SAAL1: variants seen among roughly 807,000 people sequenced by gnomAD.
SAAL1 encodes the protein serum amyloid A like 1.
SAAL1 carries 42 observed loss-of-function variants against 59.8 expected under a neutral mutation model. The ratio of observed to expected loss-of-function variants is 0.70; its 90% CI spans 0.55 to 0.91. The LOEUF (loss-of-function observed/expected upper bound fraction) is 0.91. Ranked by LOEUF, SAAL1 falls within the 40% of genes least tolerant of loss-of-function variation. The pLI is 0.00. For missense variants in SAAL1, 542 were observed against 561.1 expected (o/e 0.97, Z 0.34); for synonymous variants, 191 against 194.3 (o/e 0.98, Z 0.14).
rs1160826500 is a variant in SAAL1, at chr11:18,103,343, C to T, written c.139G>A (p.Val47Ile). The T allele has an allele frequency of 6.2e-7, 1 of 1,608,856 alleles. No individual in the cohort carries two copies. The highest frequency in any genetic ancestry group is 1.3e-5 in the African/African-American group (1 of 74,774). ...CTAGATTTGGTGTTTTCAGGGCTAACAATCTTCAGAAACACAAAGAAAGAA... is the reference window on the plus strand; with the variant it reads ...CTAGATTTGGTGTTTTCAGGGCTAATAATCTTCAGAAACACAAAGAAAGAA... ...FGVLSGLIQI[V>I]SPENTKSSSD... is the part of the protein sequence containing the mutation. Residue 47 changes from valine to isoleucine, a missense_variant, in exon 2 of 12, where the codon GTT (valine) becomes ATT (isoleucine). Coordinates refer to ENST00000524803, the MANE Select transcript of SAAL1 (RefSeq NM_138421.3).
chr11:18,105,703 T>G (rs1848681339), intron 1 of SAAL1, among the ~76,000 whole-genome samples: 1 of 152,168 alleles, frequency 6.6e-6, no homozygotes. Flanking sequence ...TACTTCCCTT[T>G]GTGTCGAGAG....
chr11:18,087,375 C>T (rs763165499), intron 7 of SAAL1, 150 bp from the exon 8 acceptor site: 14 of 539,174 alleles, frequency 2.6e-5, no homozygotes, highest in Non-Finnish European at 4.0e-5. Context: ...TCTCTGTGTT[C>T]GTTAGAGCTT....
chr11:18,096,824 C>T lies in SAAL1; in HGVS notation c.280G>A (p.Ala94Thr). Residue 94 changes from alanine to threonine, a missense_variant, in exon 3 of 12, where the codon GCT becomes ACT. By Grantham distance (58) the Ala-to-Thr change is moderately conservative. Transcript: ENST00000524803. ...AGTACTCCCATGAATATATCAGGAG[C>T]ATTAAATTCTTGGAGAAATAAAGCC... ...DVALFLQEFN[A>T]PDIFMGVLAK... The T allele has an allele frequency of 6.3e-7, 1 of 1,582,406 alleles. No individual in the cohort carries two copies. Among genetic ancestry groups the T allele is most frequent in the South Asian group, 1.1e-5 (1 of 87,078 alleles).
chr11:18,086,800 A>C (rs1848468286), intron 9 of SAAL1, 66 bp downstream of exon 9: 1 of 1,088,720 alleles, frequency 9.2e-7, no homozygotes, highest in Non-Finnish European at 1.2e-6. Context: ...GGGAAATGAA[A>C]GCATTTTTTA....
chr11:18,097,716 G>A (rs1848591944), intron 2 of SAAL1, among the ~76,000 whole-genome samples: 1 of 152,056 alleles, frequency 6.6e-6, no homozygotes, highest in Admixed American at 6.5e-5. Context: ...GCACATGCCT[G>A]CAGTCCCAGC....
chr11:18,082,701 G>A (rs187200416), intron 10 of SAAL1, among the ~76,000 whole-genome samples: 2 of 152,156 alleles, frequency 1.3e-5, no homozygotes, highest in Admixed American at 1.3e-4. Flanking sequence ...GCACAGTCTG[G>A]GCTCACTGCA....
intron 2 of SAAL1, among the ~76,000 whole-genome samples, chr11:18,100,279 G>A (rs1848621583): frequency 6.6e-6 from 1 of 152,046 alleles, no homozygotes; most frequent in Non-Finnish European, 1.5e-5. Flanking sequence ...AATATTTCAG[G>A]TTTACTTAAA....
At chr11:18,089,201 GA>G (rs1848496833) in intron 7 of SAAL1, 128 bp downstream of exon 7, 12 of 747,872 alleles carry the variant, frequency 1.6e-5, no homozygotes, top group Non-Finnish European at 2.4e-5. Context: ...TAGTAGTAGT[GA>G]ATTAACGTAA....
chr11:18,098,865 C>A (rs961339440), intron 2 of SAAL1, among the ~76,000 whole-genome samples: 1 of 152,204 alleles, frequency 6.6e-6, no homozygotes, highest in Non-Finnish European at 1.5e-5. Context: ...AATATCAACA[C>A]CAACAGTAAT....
rs189427205 is a variant in SAAL1, at chr11:18,102,973, C to T, written c.249+260G>A. 1.8e-4 allele frequency among the ~76,000 whole-genome samples: 27 copies of T among 152,212 alleles called. No homozygotes were observed. In the South Asian group the frequency reaches 2.9e-3, roughly 16 times the overall value. On this transcript the variant is annotated intron_variant, in intron 2 of 11. Coordinates refer to ENST00000524803, the MANE Select transcript of SAAL1 (RefSeq NM_138421.3). Reference sequence around the variant, plus strand: ...AGGTAGGTAAGTATCAGAACTTTCCCGGCCTACATGTGTATAGGAATACAT... The same window carrying T: ...AGGTAGGTAAGTATCAGAACTTTCCTGGCCTACATGTGTATAGGAATACAT...
At position 18,083,608 on chromosome 11, in the gene SAAL1, T is replaced by C; in HGVS notation, c.1166A>G (p.Asp389Gly). 2.5e-6 allele frequency: 4 copies of C among 1,605,334 alleles called. No homozygotes were observed. The highest frequency in any genetic ancestry group is 3.4e-6 in the Non-Finnish European group (4 of 1,172,510). The change falls in exon 10 of 12, where the codon GAT becomes GGT. Residue 389 changes from aspartate to glycine, a missense_variant. Coordinates refer to ENST00000524803, the MANE Select transcript of SAAL1 (RefSeq NM_138421.3). Reference protein sequence around the residue: ...EETKRTDLTQDDFHLKILKDI... With the variant: ...EETKRTDLTQGDFHLKILKDI... Reference sequence around the variant, plus strand: ...CTTTAAGATTTTCAAGTGGAAATCATCTTGGGTTAAATCAGTCCTTTTAGT... The same window carrying C: ...CTTTAAGATTTTCAAGTGGAAATCACCTTGGGTTAAATCAGTCCTTTTAGT...
Position 18,091,693 on chromosome 11 carries a change from G to A in SAAL1, c.413+552C>T, listed in dbSNP as rs903107367. ...AGCATATAATTTCGGGGTGTTCTCC[G>A]AACACAGTAACCACTGGGGTTTCCT... On this transcript the variant is annotated intron_variant, in intron 4 of 11. Coordinates refer to ENST00000524803, the MANE Select transcript of SAAL1 (RefSeq NM_138421.3). Among the ~76,000 whole-genome samples, 67 of 152,252 alleles carry A rather than the reference G, an allele frequency of 4.4e-4. 2 individuals are homozygous for A. The highest frequency in any genetic ancestry group is 3.5e-3 in the Admixed American group (54 of 15,296).
At chr11:18,080,617 G>A (rs903880929) in intron 11 of SAAL1, 126 bp from the exon 12 acceptor site, 7 of 587,564 alleles carry the variant, frequency 1.2e-5, no homozygotes, top group Non-Finnish European at 2.1e-5. Flanking sequence ...ATCTCCAGAT[G>A]ATAGTAACAG....
intron 2 of SAAL1, among the ~76,000 whole-genome samples, chr11:18,101,179 G>A (rs546101762): frequency 1.3e-5 from 2 of 152,270 alleles, no homozygotes; most frequent in Admixed American, 1.3e-4. Context: ...ACTGCTTGTG[G>A]TTATGTAAAA....
At chr11:18,096,661 T>C in intron 3 of SAAL1, 110 bp downstream of exon 3, 1 of 687,256 alleles carries the variant, frequency 1.5e-6, no homozygotes, top group Middle Eastern at 2.4e-4. Flanking sequence ...CAGGCTGATT[T>C]GTTGATTTAT....
intron 11 of SAAL1, 81 bp downstream of exon 11, chr11:18,081,330 A>G (rs898043361): frequency 1.1e-6 from 1 of 923,286 alleles, no homozygotes; most frequent in Non-Finnish European, 1.7e-6. Flanking sequence ...TTTGACAATG[A>G]CCTCGAAATC....
intron 7 of SAAL1, among the ~76,000 whole-genome samples, chr11:18,088,902 C>T (rs1848494258): frequency 6.6e-6 from 1 of 152,240 alleles, no homozygotes; most frequent in South Asian, 2.1e-4. Context: ...GTTTTAATGA[C>T]CTGTAAGGCT....
chr11:18,099,929 A>G (rs1380518342), intron 2 of SAAL1, among the ~76,000 whole-genome samples: 1 of 152,178 alleles, frequency 6.6e-6, no homozygotes, highest in Non-Finnish European at 1.5e-5. Context: ...AGGGACCTCA[A>G]TTGTCAGTGG....
At chr11:18,091,254 C>A in intron 4 of SAAL1, among the ~76,000 whole-genome samples, 1 of 53,450 alleles carries the variant, frequency 1.9e-5, no homozygotes, top group South Asian at 4.2e-4. Flanking sequence ...TAATGCCCAA[C>A]TAAAGTGGTT....
Sources: allele counts gnomAD v4.1 joint callset (sites outside exome capture counted in the v4.1 genomes callset), GRCh38; gene constraint gnomAD v4.1.1; transcripts MANE v1.5; gene names NCBI Gene and HGNC (gene_info 2026-07-23, HGNC 2026-07-21).